The following NKAIN3 variants were observed in gnomAD, a reference collection of about 807,000 sequenced individuals.
NKAIN3 encodes sodium/potassium-transporting ATPase subunit beta-1-interacting protein 3.
A neutral mutation model predicts 30.2 loss-of-function variants in NKAIN3; 25 were observed. That is an observed-to-expected ratio of 0.83 (90% CI 0.60 to 1.16). The LOEUF (loss-of-function observed/expected upper bound fraction) is 1.16, where lower values mean the gene tolerates loss of function less well. Among genes scored for constraint, NKAIN3 ranks in the 50% most tolerant of loss-of-function variants. NKAIN3 has a pLI of 0.00. For missense variants in NKAIN3, 225 were observed against 254.1 expected (o/e 0.89, Z 0.78); for synonymous variants, 91 against 89.6 (o/e 1.02, Z -0.09).
At chr8:62,550,266 T>C (rs573046927) in intron 1 of NKAIN3, among the ~76,000 whole-genome samples, 41 of 152,354 alleles carry the variant, frequency 2.7e-4, no homozygotes, top group African/African-American at 8.9e-4. Context: ...CTTAGAAGCT[T>C]TAATTCCATC....
chr8:62,951,985 G>A (rs978258097), intron 5 of NKAIN3, among the ~76,000 whole-genome samples: 10 of 151,428 alleles, frequency 6.6e-5, no homozygotes, highest in African/African-American at 1.7e-4. Context: ...TTTTTAATAG[G>A]GACAGGGTTT....
chr8:62,414,509 C>T lies in NKAIN3; in HGVS notation c.55-165030C>T, dbSNP rs368816908. Among the ~76,000 whole-genome samples, 24 of 152,264 alleles carry T rather than the reference C, an allele frequency of 1.6e-4. No homozygotes were observed. In the South Asian group the frequency reaches 2.9e-3, roughly 18 times the overall value. ...GACAGTTAGCAACAATTCTGCTGTT[C>T]GTGGCGTTAATGCCGAAGATCTGAT... On this transcript the variant is annotated intron_variant, in intron 1 of 6. Coordinates refer to ENST00000623646, the MANE Select transcript of NKAIN3 (RefSeq NM_001304533.3).
At chr8:62,899,460 G>A (rs1821534160) in intron 4 of NKAIN3, among the ~76,000 whole-genome samples, 1 of 152,106 alleles carries the variant, frequency 6.6e-6, no homozygotes, top group Admixed American at 6.6e-5. Context: ...GGAACTGGAG[G>A]ACATTATTCT....
At chr8:62,312,625 G>A (rs1024504393) in intron 1 of NKAIN3, among the ~76,000 whole-genome samples, 4 of 142,198 alleles carry the variant, frequency 2.8e-5, no homozygotes, top group Non-Finnish European at 4.4e-5. Flanking sequence ...TGAGACCAGC[G>A]TGGGCAACAT....
intron 4 of NKAIN3, among the ~76,000 whole-genome samples, chr8:62,852,432 G>GT (rs1447014232): frequency 2.0e-5 from 3 of 152,116 alleles, no homozygotes; most frequent in African/African-American, 4.8e-5. Flanking sequence ...TTTTTGAAGG[G>GT]TTTTTTCTGT....
chr8:62,485,637 T>C (rs1342446633), intron 1 of NKAIN3, among the ~76,000 whole-genome samples: 3 of 152,198 alleles, frequency 2.0e-5, no homozygotes, highest in Non-Finnish European at 4.4e-5. Context: ...CTTTGTGTCA[T>C]GTAGATGATT....
chr8:62,303,399 A>T (rs1354607455), intron 1 of NKAIN3, among the ~76,000 whole-genome samples: 1 of 150,452 alleles, frequency 6.6e-6, no homozygotes, highest in Non-Finnish European at 1.5e-5. Context: ...TCCTCCAAAA[A>T]GTTGTTTGCT....
intron 4 of NKAIN3, among the ~76,000 whole-genome samples, chr8:62,771,153 C>T (rs1441044741): frequency 1.3e-5 from 2 of 152,080 alleles, no homozygotes; most frequent in Non-Finnish European, 2.9e-5. Context: ...AGTGGTCTGG[C>T]ACAGTGGCTC....
chr8:62,714,995 C>T (rs76224144), intron 3 of NKAIN3, among the ~76,000 whole-genome samples: 6,889 of 152,210 alleles, frequency 0.045, 504 homozygotes, highest in African/African-American at 0.16. Context: ...GTTCTGCAGG[C>T]TGTACAGATA....
intron 1 of NKAIN3, among the ~76,000 whole-genome samples, chr8:62,495,581 A>G (rs1475059308): frequency 6.7e-6 from 1 of 149,880 alleles, no homozygotes; most frequent in East Asian, 1.9e-4. Flanking sequence ...AATATAATAT[A>G]AAATTTATGT....
intron 1 of NKAIN3, among the ~76,000 whole-genome samples, chr8:62,471,633 CTA>C (rs1167976800): frequency 6.6e-6 from 1 of 152,118 alleles, no homozygotes; most frequent in Non-Finnish European, 1.5e-5. Context: ...GTTCACATAA[CTA>C]TGAAACTAAA....
intron 4 of NKAIN3, among the ~76,000 whole-genome samples, chr8:62,849,295 CTTTTTT>C (rs71255367): frequency 9.4e-6 from 1 of 106,086 alleles, no homozygotes; most frequent in Non-Finnish European, 1.9e-5. Context: ...TGGTCCTGGG[CTTTTTT>C]TTTTTTTTTT....
In NKAIN3 at chr8:62,401,013, T is replaced by TTCTCTCTCTCTCTCTCTCTCTCTCTC. The variant is rs71559370; in HGVS notation, c.54+151892_54+151893insTCTCTCTCTCTCTCTCTCTCTCTCTC. Among the ~76,000 whole-genome samples, 273 of 143,788 alleles carry TTCTCTCTCTCTCTCTCTCTCTCTCTC rather than the reference T, an allele frequency of 1.9e-3. 7 individuals are homozygous for TTCTCTCTCTCTCTCTCTCTCTCTCTC. The highest frequency in any genetic ancestry group is 2.1e-3 in the African/African-American group (82 of 39,868). 94.3% of individuals were successfully genotyped at this position (143,788 alleles called of 152,430 possible). The stretch of plus-strand genomic sequence containing the variant: ...ATTCTTTTGATTAAACTTTCTACCT[T>TTCTCTCTCTCTCTCTCTCTCTCTCTC]TCTCTCACTCTCTCTCTCTCTCTCT... On this transcript the variant is annotated intron_variant, in intron 1 of 6. Transcript: ENST00000623646.
rs758605881 is a variant in NKAIN3 at position 62,918,527 on chromosome 8, T to G, written c.532+14T>G. ...AAGAAGACACATGTAAGTACTGTTT[T>G]CTCTCTCCCTGTGGGTTCCTTTTGA... On this transcript the variant is annotated intron_variant, in intron 5 of 6. Transcript: ENST00000623646. The G allele has an allele frequency of 6.3e-7, 1 of 1,585,800 alleles. No homozygotes were observed. The highest frequency in any genetic ancestry group is 1.7e-5 in the Admixed American group (1 of 59,868).
At chr8:62,307,237 C>T (rs1814274212) in intron 1 of NKAIN3, among the ~76,000 whole-genome samples, 1 of 147,286 alleles carries the variant, frequency 6.8e-6, no homozygotes. Context: ...AGCTTTTTGT[C>T]CCCTTATAGT....
At chr8:62,829,766 AG>A (rs897780168) in intron 4 of NKAIN3, among the ~76,000 whole-genome samples, 1 of 151,730 alleles carries the variant, frequency 6.6e-6, no homozygotes, top group African/African-American at 2.4e-5. Context: ...ATAGATAGAT[AG>A]ATCTATTTAA....
intron 4 of NKAIN3, among the ~76,000 whole-genome samples, chr8:62,894,363 C>A (rs1821373353): frequency 6.6e-6 from 1 of 152,054 alleles, no homozygotes; most frequent in Non-Finnish European, 1.5e-5. Flanking sequence ...ACTGAAAATT[C>A]AAAATTATCT....
At position 62,763,077 on chromosome 8, in the gene NKAIN3, C is replaced by T. The variant is rs146195571; in HGVS notation, c.471+15948C>T. Among the ~76,000 whole-genome samples the T allele has an allele frequency of 5.3e-3, 807 of 151,308 alleles. 6 individuals are homozygous for T. The highest frequency in any genetic ancestry group is 0.018 in the African/African-American group (736 of 41,306). Reference sequence around the variant, plus strand: ...CTCTACTAAAAATACAAAAACTAGCCGGGCATGGTGGCGGGCGCCTGTAGT... The same window carrying T: ...CTCTACTAAAAATACAAAAACTAGCTGGGCATGGTGGCGGGCGCCTGTAGT... On this transcript the variant is annotated intron_variant, in intron 4 of 6. Transcript: ENST00000623646.
intron 1 of NKAIN3, among the ~76,000 whole-genome samples, chr8:62,451,038 T>G (rs899150982): frequency 2.0e-5 from 3 of 152,196 alleles, no homozygotes; most frequent in Non-Finnish European, 4.4e-5. Context: ...TTAACATTAA[T>G]TTTTTAAATA....
Sources: gnomAD v4.1 joint callset for allele counts (sites outside exome capture counted in the v4.1 genomes callset) on GRCh38, gnomAD v4.1.1 for gene constraint, MANE v1.5 for transcripts, NCBI Gene and HGNC (gene_info 2026-07-23, HGNC 2026-07-21) for gene names.